The following FNDC3B variants were observed in gnomAD, a reference collection of about 807,000 sequenced individuals.
FNDC3B encodes fibronectin type III domain containing 3B, also known as fibronectin type III domain-containing protein 3B.
In FNDC3B, 12 loss-of-function variants were observed where a neutral mutation model predicts 151.5. The observed-to-expected ratio is 0.08, with a 90% CI of 0.05 to 0.13. The LOEUF (loss-of-function observed/expected upper bound fraction) is 0.13, where lower values mean the gene tolerates loss of function less well. FNDC3B is among the 10% of genes least tolerant of loss of function. The pLI is 1.00. For missense variants in FNDC3B, 1,214 were observed against 1,505.3 expected (o/e 0.81, Z 3.20); for synonymous variants, 528 against 549.0 (o/e 0.96, Z 0.54).
chr3:172,206,987 A>G (rs1725466215), intron 3 of FNDC3B, among the ~76,000 whole-genome samples: 1 of 152,056 alleles, frequency 6.6e-6, no homozygotes, highest in Non-Finnish European at 1.5e-5. Context: ...CTTATTTTGT[A>G]TGTATTGGAC....
chr3:172,143,908 AAAATAAATAAATAAATAAATAAAT>A (rs60080346), intron 3 of FNDC3B, among the ~76,000 whole-genome samples: 1,955 of 142,030 alleles, frequency 0.014, 39 homozygotes, highest in African/African-American at 0.042. Flanking sequence ...CCTCCATCTC[AAAATAAATAAATAAATAAATAAAT>A]AAATAAATAA....
chr3:172,153,723 G>A (rs1352544149), intron 3 of FNDC3B, among the ~76,000 whole-genome samples: 1 of 152,202 alleles, frequency 6.6e-6, no homozygotes, highest in Non-Finnish European at 1.5e-5. Context: ...CCCTAGGAAG[G>A]ATTTCTTATC....
rs182550181 is a variant in FNDC3B at position 172,291,563 on chromosome 3, A to G, written c.850-3800A>G. 1.0e-3 allele frequency among the ~76,000 whole-genome samples: 155 copies of G among 152,338 alleles called. 3 individuals are homozygous for G. The highest frequency in any genetic ancestry group is 1.0e-4 in the Non-Finnish European group (7 of 68,034). On this transcript the variant is annotated intron_variant, in intron 7 of 25. Coordinates refer to ENST00000415807, the MANE Select transcript of FNDC3B (RefSeq NM_022763.4). Reference sequence around the variant, plus strand: ...GTTTAGTTTAAATAATTCATATGCAAATGTATACTAGTAACCTATACAACA... The same window carrying G: ...GTTTAGTTTAAATAATTCATATGCAGATGTATACTAGTAACCTATACAACA...
rs10582558 is a variant in FNDC3B, at chr3:172,257,569, TACACACACACACACACACAC to T, written c.790+6049_790+6068del. 1.6e-4 allele frequency among the ~76,000 whole-genome samples: 23 copies of T among 143,764 alleles called. 1 individual carries two copies. Among genetic ancestry groups the T allele is most frequent in the East Asian group, 4.2e-4 (2 of 4,778 alleles). The allele number at this position is 143,764 out of a possible 152,430, so 94.3% of individuals were successfully genotyped here. ...ACCCCTACCACATCACACGCATTCATACACACACACACACACACACACACACACACACACACACACGCACT... is the reference window on the plus strand; with the variant it reads ...ACCCCTACCACATCACACGCATTCATACACACACACACACACACACGCACT... On this transcript the variant is annotated intron_variant, in intron 6 of 25. Transcript: ENST00000415807.
At chr3:172,151,405 A>G (rs1286021096) in intron 3 of FNDC3B, among the ~76,000 whole-genome samples, 1 of 152,206 alleles carries the variant, frequency 6.6e-6, no homozygotes, top group Non-Finnish European at 1.5e-5. Flanking sequence ...CTAACTTTAT[A>G]TGGAAACTAT....
intron 6 of FNDC3B, among the ~76,000 whole-genome samples, chr3:172,256,722 C>T (rs903081514): frequency 6.6e-6 from 1 of 152,106 alleles, no homozygotes; most frequent in South Asian, 2.1e-4. Flanking sequence ...CAGTTATAGC[C>T]CCTCAGAAAG....
chr3:172,309,256 CTG>C (rs1340600241), intron 10 of FNDC3B, among the ~76,000 whole-genome samples: 2 of 152,328 alleles, frequency 1.3e-5, no homozygotes, highest in African/African-American at 4.8e-5. Context: ...GGCTGCCAGT[CTG>C]TCCTTGAATC....
intron 23 of FNDC3B, among the ~76,000 whole-genome samples, chr3:172,368,866 C>G (rs56110048): frequency 0.023 from 3,564 of 152,212 alleles, 139 homozygotes; most frequent in African/African-American, 0.082. Context: ...CAAAAATTAG[C>G]CTGGCATGGT....
chr3:172,143,060 T>C (rs1268662510), intron 3 of FNDC3B, among the ~76,000 whole-genome samples: 1 of 152,216 alleles, frequency 6.6e-6, no homozygotes, highest in East Asian at 1.9e-4. Context: ...TCTAATACCA[T>C]CACCTTTGGG....
Position 172,311,386 on chromosome 3 carries a change from C to T in FNDC3B, c.1254+505C>T, listed in dbSNP as rs535991695. The stretch of plus-strand genomic sequence containing the variant: ...GCGAGTGCCCTGTGGGTTAGAATGT[C>T]CTGTATCGGATGCCCCCCTTGCTGT... On this transcript the variant is annotated intron_variant, in intron 11 of 25. Transcript: ENST00000415807. Among the ~76,000 whole-genome samples, 8 of 152,202 alleles carry T rather than the reference C, an allele frequency of 5.3e-5. No individual in the cohort carries two copies. The East Asian group carries it at 1.5e-3, about 29-fold the overall frequency.
intron 1 of FNDC3B, among the ~76,000 whole-genome samples, chr3:172,105,891 A>G (rs1485338867): frequency 6.6e-6 from 1 of 152,144 alleles, no homozygotes; most frequent in Non-Finnish European, 1.5e-5. Flanking sequence ...TGTGTCTGTG[A>G]CAATATATTT....
chr3:172,333,251 T>C, intron 14 of FNDC3B, 76 bp downstream of exon 14: 1 of 944,160 alleles, frequency 1.1e-6, no homozygotes, highest in South Asian at 1.3e-5. Flanking sequence ...CATGTCAGAT[T>C]GACTCTACAG....
intron 6 of FNDC3B, among the ~76,000 whole-genome samples, chr3:172,270,144 T>C (rs774413376): frequency 7.2e-5 from 11 of 152,246 alleles, no homozygotes; most frequent in Non-Finnish European, 1.6e-4. Context: ...AAATTTCCAA[T>C]GTTATTGTAG....
chr3:172,274,082 C>T (rs1160084565), intron 6 of FNDC3B, among the ~76,000 whole-genome samples: 4 of 152,134 alleles, frequency 2.6e-5, no homozygotes, highest in East Asian at 3.9e-4. Flanking sequence ...TCTATACGTG[C>T]GGGAGAAGAG....
At chr3:172,360,233 C>T (rs1734298237) in intron 22 of FNDC3B, among the ~76,000 whole-genome samples, 2 of 152,084 alleles carry the variant, frequency 1.3e-5, no homozygotes, top group Admixed American at 1.3e-4. Flanking sequence ...GTTTTTGTGT[C>T]CTTATTTGCC....
At chr3:172,252,257 A>G (rs909151482) in intron 6 of FNDC3B, among the ~76,000 whole-genome samples, 19 of 152,266 alleles carry the variant, frequency 1.2e-4, no homozygotes, top group Admixed American at 1.2e-3. Context: ...GGCTATTTCT[A>G]TAGGCATAGG....
intron 3 of FNDC3B, among the ~76,000 whole-genome samples, chr3:172,207,192 T>A (rs1293518189): frequency 6.6e-6 from 1 of 152,046 alleles, no homozygotes; most frequent in Non-Finnish European, 1.5e-5. Context: ...TGGTTTAGGT[T>A]TAGTCTGTAA....
chr3:172,104,833 A>AT (rs1473027927), intron 1 of FNDC3B, among the ~76,000 whole-genome samples: 1 of 152,096 alleles, frequency 6.6e-6, no homozygotes, highest in Non-Finnish European at 1.5e-5. Context: ...TTTTAATGAA[A>AT]TTTTTTTCCT....
rs540593036 is a variant in FNDC3B, at chr3:172,317,949, T to C, written c.1254+7068T>C. On this transcript the variant is annotated intron_variant, in intron 11 of 25. Coordinates refer to ENST00000415807, the MANE Select transcript of FNDC3B (RefSeq NM_022763.4). ...AAAAAGCACTTTGTGGGAATGTGAC[T>C]ACTGGAGTCCCCAAAAACCTTCCTC... Among the ~76,000 whole-genome samples the C allele has an allele frequency of 5.3e-5, 8 of 152,330 alleles. No individual in the cohort carries two copies. The South Asian group carries it at 1.7e-3, about 32-fold the overall frequency.
Sources: allele counts gnomAD v4.1 joint callset (sites outside exome capture counted in the v4.1 genomes callset), GRCh38; gene constraint gnomAD v4.1.1; transcripts MANE v1.5; gene names NCBI Gene and HGNC (gene_info 2026-07-23, HGNC 2026-07-21).